Variants in UGT1A4 observed in about 807,000 individuals in gnomAD.
The protein encoded by UGT1A4 is UDP glucuronosyltransferase family 1 member A4.
A neutral mutation model predicts 41.1 loss-of-function variants in UGT1A4; 32 were observed. That is an observed-to-expected ratio of 0.78 (90% CI 0.59 to 1.05). UGT1A4 has a LOEUF of 1.05. UGT1A4 is among the 50% of genes least tolerant of loss of function. UGT1A4 has a pLI of 0.00. For missense variants in UGT1A4, 748 were observed against 677.4 expected (o/e 1.10, Z -1.16); for synonymous variants, 283 against 265.1 (o/e 1.07, Z -0.66).
rs994477735 is a variant in UGT1A4, at chr2:233,769,472, T to C, written c.1307+1033T>C. Reference sequence around the variant, plus strand: ...ACGTGTGCATTCATATGCGTGTGTGTGTGTGTGCGTGTGTTTATGAGAGTG... The same window carrying C: ...ACGTGTGCATTCATATGCGTGTGTGCGTGTGTGCGTGTGTTTATGAGAGTG... On this transcript the variant is annotated intron_variant, in intron 4 of 4. Transcript: ENST00000373409. The surrounding 1 kb of genome is among the most constrained non-coding windows in gnomAD (Gnocchi z 4.4). 4.2e-5 allele frequency: 68 copies of C among 1,609,292 alleles called. No homozygotes were observed. In the African/African-American group the frequency reaches 8.3e-4, roughly 20 times the overall value.
At chr2:233,735,606 C>T (rs567993931) in intron 1 of UGT1A4, among the ~76,000 whole-genome samples, 14 of 152,270 alleles carry the variant, frequency 9.2e-5, no homozygotes, top group African/African-American at 2.6e-4. Context: ...TTCACAGCAT[C>T]GATAGTCTTT....
intron 4 of UGT1A4, chr2:233,770,673 A>G (rs1176637451): frequency 6.6e-6 from 1 of 152,078 alleles, no homozygotes; most frequent in African/African-American, 2.4e-5. Context: ...AAAAAAAAAA[A>G]AAGAAGGTTC....
At chr2:233,732,755 G>GTTTT (rs956485327) in intron 1 of UGT1A4, among the ~76,000 whole-genome samples, 5 of 120,226 alleles carry the variant, frequency 4.2e-5, no homozygotes, top group African/African-American at 9.1e-5. Context: ...CACCAGCTTT[G>GTTTT]TTTTTTTTTT....
chr2:233,729,516 G>T, intron 1 of UGT1A4: 1 of 1,614,186 alleles, frequency 6.2e-7, no homozygotes, highest in Non-Finnish European at 8.5e-7. Context: ...CTTGTGTGGA[G>T]CTACTACATA....
In UGT1A4 at chr2:233,761,156, G is replaced by T. The variant is rs777807265; in HGVS notation, c.868-5878G>T. On this transcript the variant is annotated intron_variant, in intron 1 of 4. Transcript: ENST00000373409. ...CACCAAAATCCACTATCCCAGGTGT[G>T]TATTGGAGTGGGACTTTTACATGCG... The T allele has an allele frequency of 2.7e-5, 43 of 1,614,110 alleles. No homozygotes were observed. The highest frequency in any genetic ancestry group is 1.4e-5 in the Non-Finnish European group (17 of 1,180,052).
chr2:233,747,923 G>C (rs1349241680), intron 1 of UGT1A4: 11 of 1,613,296 alleles, frequency 6.8e-6, no homozygotes, highest in Non-Finnish European at 8.5e-6. Flanking sequence ...TTGCCTCTGA[G>C]CTTTTTCAGA....
intron 1 of UGT1A4, chr2:233,754,468 G>A: frequency 1.1e-5 from 4 of 357,086 alleles, no homozygotes; most frequent in Non-Finnish European, 1.7e-5. Context: ...TGTTCTGAAA[G>A]TAAAGTTCAC....
chr2:233,766,640 TATC>T (rs1314167466), intron 1 of UGT1A4, among the ~76,000 whole-genome samples: 1 of 152,156 alleles, frequency 6.6e-6, no homozygotes, highest in African/African-American at 2.4e-5. Context: ...CCTACTTCCA[TATC>T]ATTTAAAGGG....
At chr2:233,743,605 G>C in intron 1 of UGT1A4, 5 of 1,367,304 alleles carry the variant, frequency 3.7e-6, no homozygotes, top group Non-Finnish European at 4.9e-6. Flanking sequence ...CCTGGCCGCC[G>C]AAGAACTCCC....
At position 233,772,425 on chromosome 2, in the gene UGT1A4, G is replaced by A; in HGVS notation, c.1471G>A (p.Asp491Asn). The change falls in exon 5 of 5, where the codon GAC (aspartate) becomes AAC (asparagine). Residue 491 changes from aspartate (D) to asparagine (N), a missense_variant. By Grantham distance (23) the Asp-to-Asn change is conservative (BLOSUM62 1). Transcript: ENST00000373409. Reference protein sequence around the residue: ...DLTWYQYHSLDVIGFLLAVVL... With the variant: ...DLTWYQYHSLNVIGFLLAVVL... ...CACCTGGTACCAGTACCATTCCTTG[G>A]ACGTGATTGGTTTCCTCTTGGCCGT... 1.2e-6 allele frequency: 2 copies of A among 1,614,224 alleles called. No individual in the cohort carries two copies. Among genetic ancestry groups the A allele is most frequent in the Non-Finnish European group, 1.7e-6 (2 of 1,180,044 alleles).
intron 1 of UGT1A4, chr2:233,743,987 G>T: frequency 7.8e-7 from 1 of 1,278,832 alleles, no homozygotes; most frequent in South Asian, 1.3e-5. Flanking sequence ...CCAGGCGCAG[G>T]CCCGAGTGCT....
Position 233,731,284 on chromosome 2 carries a change from C to CTT in UGT1A4, c.867+11610_867+11611dup, listed in dbSNP as rs78127606. 2.2e-3 allele frequency among the ~76,000 whole-genome samples: 301 copies of CTT among 139,786 alleles called. 4 individuals are homozygous for CTT. Among genetic ancestry groups the CTT allele is most frequent in the African/African-American group, 6.8e-3 (261 of 38,534 alleles). 91.7% of individuals were successfully genotyped at this position (139,786 alleles called of 152,430 possible). A position where few individuals can be genotyped will look rare whatever the true frequency, so the allele number is the denominator to read the frequency against. On this transcript the variant is annotated intron_variant, in intron 1 of 4. Coordinates refer to ENST00000373409, the MANE Select transcript of UGT1A4 (RefSeq NM_007120.3). The stretch of plus-strand genomic sequence containing the variant: ...ACTGTTGCCCTTCCAGTTTTTCTTT[C>CTT]TTTTTTTTTTTTTTATTATACTTTA...
intron 1 of UGT1A4, chr2:233,748,229 G>A: frequency 1.4e-6 from 2 of 1,404,944 alleles, no homozygotes; most frequent in Non-Finnish European, 1.9e-6. Flanking sequence ...AAACTGTTAA[G>A]GGGTCTCTAG....
At chr2:233,729,404 T>C (rs2077851412) in intron 1 of UGT1A4, 1 of 1,613,884 alleles carries the variant, frequency 6.2e-7, no homozygotes, top group East Asian at 2.2e-5. Flanking sequence ...GATCGCCATG[T>C]GCTGGGCCAC....
chr2:233,733,407 C>T (rs906302145), intron 1 of UGT1A4, among the ~76,000 whole-genome samples: 4 of 152,152 alleles, frequency 2.6e-5, no homozygotes, highest in African/African-American at 9.7e-5. Flanking sequence ...GGGAATGCTT[C>T]CAGTTTTCGC....
At chr2:233,751,502 G>A (rs1015716404) in intron 1 of UGT1A4, among the ~76,000 whole-genome samples, 1 of 152,208 alleles carries the variant, frequency 6.6e-6, no homozygotes, top group Non-Finnish European at 1.5e-5. Flanking sequence ...AGATTTGGGA[G>A]GGGCCAGAGG....
rs146432524 is a variant in UGT1A4, at chr2:233,729,522, A to G, written c.867+9835A>G. On this transcript the variant is annotated intron_variant, in intron 1 of 4. Coordinates refer to ENST00000373409, the MANE Select transcript of UGT1A4 (RefSeq NM_007120.3). ...ATCATAGGTCTTGTGTGGAGCTACT[A>G]CATAATGAGGCCCTGATCAGGCACC... 1,184 of 1,614,192 alleles carry G rather than the reference A, an allele frequency of 7.3e-4. 2 individuals carry two copies. Among genetic ancestry groups the G allele is most frequent in the Non-Finnish European group, 9.8e-4 (1,156 of 1,180,024 alleles).
rs201093245 is a variant in UGT1A4, at chr2:233,760,862, A to G, written c.868-6172A>G. ...ACCCAGTGCCCCAACCCATTCTCCT[A>G]CGTGCCCAGGCCTCTCTCCTCTCAT... is the stretch of plus-strand genomic sequence containing the variant. On this transcript the variant is annotated intron_variant, in intron 1 of 4. Transcript: ENST00000373409. 6.2e-7 allele frequency: 1 copy of G among 1,614,000 alleles called. No homozygotes were observed. The highest frequency in any genetic ancestry group is 1.7e-5 in the Admixed American group (1 of 60,012).
rs950702483 is a variant in UGT1A4 at position 233,748,193 on chromosome 2, C to G, written c.868-18841C>G. 9.0e-6 allele frequency: 14 copies of G among 1,552,524 alleles called. No individual in the cohort carries two copies. The Admixed American group carries it at 2.6e-4, about 28-fold the overall frequency. ...TATCTTTCTGGTGCTTTTATTTCTGCTTGTCGTAATAGCCTTCAGTGAGAT... is the reference window on the plus strand; with the variant it reads ...TATCTTTCTGGTGCTTTTATTTCTGGTTGTCGTAATAGCCTTCAGTGAGAT... On this transcript the variant is annotated intron_variant, in intron 1 of 4. Transcript: ENST00000373409.
Sources: allele counts gnomAD v4.1 joint callset (sites outside exome capture counted in the v4.1 genomes callset), GRCh38; gene constraint gnomAD v4.1.1; non-coding constraint Gnocchi (gnomAD v3.1); transcripts MANE v1.5; gene names NCBI Gene and HGNC (gene_info 2026-07-23, HGNC 2026-07-21).